Variants in COL3A1 observed in about 807,000 individuals in gnomAD.
The protein encoded by COL3A1 is collagen alpha-1(III) chain.
Under a neutral mutation model 200.9 loss-of-function variants are expected in COL3A1, and 46 were observed. The observed-to-expected ratio is 0.23, with a 90% CI of 0.18 to 0.29. COL3A1 has a LOEUF of 0.29. COL3A1 is among the 10% of genes least tolerant of loss of function. The pLI, the probability that COL3A1 is intolerant of heterozygous loss-of-function variation, is 1.00. For missense variants in COL3A1, 1,367 were observed against 1,917.6 expected (o/e 0.71, Z 5.36); for synonymous variants, 650 against 628.0 (o/e 1.03, Z -0.52).
intron 13 of COL3A1, 101 bp downstream of exon 13, chr2:188,991,823 C>G: frequency 8.3e-7 from 1 of 1,201,722 alleles, no homozygotes; most frequent in South Asian, 1.2e-5. Context: ...GGAAAAAGAC[C>G]TTCCTACAAA....
chr2:188,982,981 A>G (rs1687985850), intron 1 of COL3A1, among the ~76,000 whole-genome samples: 1 of 151,730 alleles, frequency 6.6e-6, no homozygotes, highest in South Asian at 2.1e-4. Flanking sequence ...CTTCACACCA[A>G]TGTGTAAATG....
chr2:188,994,868 A>G lies in COL3A1; in HGVS notation c.1455+37A>G. The G allele has an allele frequency of 6.2e-7, 1 of 1,605,446 alleles. No homozygotes were observed. Among genetic ancestry groups the G allele is most frequent in the Non-Finnish European group, 8.5e-7 (1 of 1,173,346 alleles). On this transcript the variant is annotated intron_variant, in intron 20 of 50. Coordinates refer to ENST00000304636, the MANE Select transcript of COL3A1 (RefSeq NM_000090.4). The surrounding 1 kb of genome is among the most constrained non-coding windows in gnomAD (Gnocchi z 4.5). The stretch of plus-strand genomic sequence containing the variant: ...ATGGGGCATCTAAAAGAAAAGCAGC[A>G]TCACTGTCATCTAAATAAAACTACC...
intron 1 of COL3A1, among the ~76,000 whole-genome samples, chr2:188,976,554 G>C (rs1687821212): frequency 6.6e-6 from 1 of 152,018 alleles, no homozygotes. Flanking sequence ...ATAAGCTTTG[G>C]AAAAGTTACA....
At position 188,992,238 on chromosome 2, in the gene COL3A1, T is replaced by C. The variant is rs369957068; in HGVS notation, c.996+10T>C. On this transcript the variant is annotated intron_variant, in intron 14 of 50. Transcript: ENST00000304636. The stretch of plus-strand genomic sequence containing the variant: ...CAGTGATGGTCAACCAGTAAGTAAC[T>C]TTCTATCTCTTATGTGTTGTAGGGT... 5.6e-6 allele frequency: 9 copies of C among 1,613,272 alleles called. No homozygotes were observed. Among genetic ancestry groups the C allele is most frequent in the Admixed American group, 3.3e-5 (2 of 59,984 alleles).
chr2:189,010,502 C>T (rs1015140068), intron 49 of COL3A1, 137 bp downstream of exon 49: 5 of 1,469,604 alleles, frequency 3.4e-6, no homozygotes, highest in Non-Finnish European at 4.7e-6. Context: ...TGATGGCATG[C>T]AATAAAAATA....
At chr2:189,008,706 C>G in intron 47 of COL3A1, 1 of 605,706 alleles carries the variant, frequency 1.7e-6, no homozygotes, top group East Asian at 2.8e-5. Flanking sequence ...ACTACTGATT[C>G]TTACATAGTG....
Position 189,006,219 on chromosome 2 carries a change from C to T in COL3A1, c.3053C>T (p.Ser1018Leu). ...TTTTTTAATCAGGGAAACCCTGGAT[C>T]AGATGGTCTTCCAGGCCGAGATGGA... ...GEPGRDGNPG[S>L]DGLPGRDGSP... The change falls in exon 42 of 51, where the codon TCA (serine) becomes TTA (leucine). Residue 1018 changes from serine to leucine, a missense_variant. Coordinates refer to ENST00000304636, the MANE Select transcript of COL3A1 (RefSeq NM_000090.4). 1.2e-6 allele frequency: 2 copies of T among 1,614,176 alleles called. No homozygotes were observed. The highest frequency in any genetic ancestry group is 1.7e-6 in the Non-Finnish European group (2 of 1,180,008).
chr2:189,004,193 A>G (rs540860398), intron 39 of COL3A1, 50 bp downstream of exon 39: 2 of 1,609,828 alleles, frequency 1.2e-6, no homozygotes, highest in Non-Finnish European at 1.7e-6. Context: ...GATTTTTATC[A>G]CAAATCGATT....
intron 3 of COL3A1, 45 bp downstream of exon 3, chr2:188,985,292 A>C (rs758716531): frequency 6.7e-7 from 1 of 1,483,944 alleles, no homozygotes; most frequent in South Asian, 1.1e-5. Context: ...ACTAATGATA[A>C]TTCTAGTAAG....
intron 14 of COL3A1, 106 bp from the exon 15 acceptor site, chr2:188,992,781 T>A: frequency 1.1e-6 from 1 of 886,874 alleles, no homozygotes; most frequent in Non-Finnish European, 1.9e-6. Flanking sequence ...ATCATTTTTA[T>A]CTGCATAAAT....
chr2:188,976,910 TA>T (rs1248376627), intron 1 of COL3A1, among the ~76,000 whole-genome samples: 2 of 152,166 alleles, frequency 1.3e-5, no homozygotes, highest in African/African-American at 4.8e-5. Flanking sequence ...ATGCCAATAT[TA>T]ATGTTATGTA....
intron 32 of COL3A1, among the ~76,000 whole-genome samples, chr2:189,000,899 G>T (rs564635406): frequency 2.6e-5 from 4 of 152,148 alleles, no homozygotes; most frequent in Admixed American, 6.5e-5. Flanking sequence ...ATTCATAAAT[G>T]CTTCGCTTTT....
intron 3 of COL3A1, 67 bp downstream of exon 3, chr2:188,985,314 T>C: frequency 7.6e-7 from 1 of 1,324,162 alleles, no homozygotes; most frequent in Non-Finnish European, 1.1e-6. Flanking sequence ...GTTTGCTTTT[T>C]CTAGATTTGA....
chr2:188,994,018 T>C lies in COL3A1; in HGVS notation c.1150-20T>C, dbSNP rs377676752. 61 of 1,610,292 alleles carry C rather than the reference T, an allele frequency of 3.8e-5. No homozygotes were observed. The highest frequency in any genetic ancestry group is 4.8e-5 in the Non-Finnish European group (57 of 1,176,824). ...TATTTGCATTACTATTAATACATTA[T>C]CTGTTTTTTGTATACTTAGGGCCCT... On this transcript the variant is annotated intron_variant, in intron 16 of 50. Coordinates refer to ENST00000304636, the MANE Select transcript of COL3A1 (RefSeq NM_000090.4). This position sits in a 1 kb window ranked among gnomAD's most constrained non-coding sequence, Gnocchi z 4.5.
chr2:189,011,231 A>G (rs1045749743), intron 50 of COL3A1, among the ~76,000 whole-genome samples: 11 of 152,246 alleles, frequency 7.2e-5, no homozygotes, highest in Non-Finnish European at 1.0e-4. Flanking sequence ...TTTAAAGGTT[A>G]ACTTCAAATC....
chr2:188,990,940 T>G (rs1339352298), intron 10 of COL3A1, 64 bp from the exon 11 acceptor site: 5 of 1,521,798 alleles, frequency 3.3e-6, no homozygotes, highest in Admixed American at 1.7e-5. Context: ...CCATGTAAAC[T>G]TTATCAATCA....
intron 1 of COL3A1, among the ~76,000 whole-genome samples, chr2:188,974,892 A>G (rs1019161801): frequency 2.6e-5 from 4 of 152,168 alleles, no homozygotes; most frequent in African/African-American, 9.7e-5. Context: ...ATACTTCCCC[A>G]GGCAGTCTGG....
In COL3A1 at chr2:188,999,539, AGAG is replaced by A; in HGVS notation, c.2196_2198del (p.Gly733del). 6.2e-7 allele frequency: 1 copy of A among 1,613,980 alleles called. No individual in the cohort carries two copies. Among genetic ancestry groups the A allele is most frequent in the Non-Finnish European group, 8.5e-7 (1 of 1,180,014 alleles). On this transcript the variant is annotated inframe_deletion, in exon 31 of 51. Coordinates refer to ENST00000304636, the MANE Select transcript of COL3A1 (RefSeq NM_000090.4). ...TGGTCTGCAAGGAATGCCTGGAGAA[AGAG>A]GAGGTCTTGGAAGTCCTGGTCCAAA...
rs564782252 is a variant in COL3A1 at position 189,002,896 on chromosome 2, T to G, written c.2446-59T>G. 5.3e-5 allele frequency: 65 copies of G among 1,230,170 alleles called. No homozygotes were observed. In the African/African-American group the frequency reaches 7.6e-4, roughly 14 times the overall value. The allele number at this position is 1,230,170 out of a possible 1,614,324, so 76.2% of individuals were successfully genotyped here. A position where few individuals can be genotyped will look rare whatever the true frequency, so the allele number is the denominator to read the frequency against. On this transcript the variant is annotated intron_variant, in intron 35 of 50. Coordinates refer to ENST00000304636, the MANE Select transcript of COL3A1 (RefSeq NM_000090.4). ...TCTATATTCTGAAGAGAAATAATAA[T>G]AAGCCAATTGTATCATAAAGAGTGT...
Sources: gnomAD v4.1 joint callset for allele counts (sites outside exome capture counted in the v4.1 genomes callset) on GRCh38, gnomAD v4.1.1 for gene constraint, Gnocchi (gnomAD v3.1) non-coding constraint, MANE v1.5 for transcripts, NCBI Gene and HGNC (gene_info 2026-07-23, HGNC 2026-07-21) for gene names.